Variants in APBB1IP observed in about 807,000 individuals in gnomAD.
APBB1IP encodes amyloid beta precursor protein binding family B member 1 interacting protein.
APBB1IP carries 27 observed loss-of-function variants against 64.9 expected under a neutral mutation model. The ratio of observed to expected loss-of-function variants is 0.42; its 90% CI spans 0.31 to 0.57. The LOEUF (loss-of-function observed/expected upper bound fraction) is 0.57. Ranked by LOEUF, APBB1IP falls within the 20% of genes least tolerant of loss-of-function variation. The pLI, the probability that APBB1IP is intolerant of heterozygous loss-of-function variation, is 0.20. For missense variants in APBB1IP, 812 were observed against 845.5 expected, an observed-to-expected ratio of 0.96 and a Z score of 0.49; for synonymous variants, 392 against 331.0, an observed-to-expected ratio of 1.18 and a Z score of -2.00.
chr10:26,516,610 C>T (rs1836334493), intron 8 of APBB1IP, among the ~76,000 whole-genome samples: 1 of 146,852 alleles, frequency 6.8e-6, no homozygotes, highest in South Asian at 2.2e-4. Context: ...TGTGGTAACG[C>T]ACACATTGCA....
intron 2 of APBB1IP, among the ~76,000 whole-genome samples, chr10:26,474,031 T>A (rs952528934): frequency 5.3e-5 from 8 of 151,576 alleles, no homozygotes; most frequent in Non-Finnish European, 1.2e-4. Flanking sequence ...AAGTATGTTC[T>A]TGAATAGAAG....
chr10:26,560,682 T>G (rs369374374), intron 12 of APBB1IP, 48 bp from the exon 13 acceptor site: 17 of 1,379,426 alleles, frequency 1.2e-5, no homozygotes, highest in Non-Finnish European at 1.7e-5. Context: ...AGTGCAGAAT[T>G]TGGGATACAT....
chr10:26,470,817 G>C (rs1835707493), intron 2 of APBB1IP, among the ~76,000 whole-genome samples: 2 of 152,046 alleles, frequency 1.3e-5, no homozygotes, highest in African/African-American at 4.8e-5. Context: ...CTCAGCCTGT[G>C]TCCTTGCCCA....
At position 26,457,983 on chromosome 10, in the gene APBB1IP, G is replaced by C. The variant is rs371524555; in HGVS notation, c.-1+19130G>C. On this transcript the variant is annotated intron_variant, in intron 2 of 14. Transcript: ENST00000376236. ...AAGCTGGGTCTTTATTGGTATTTAT[G>C]AAATCTGGATATTTTTATGGCCTGA... is the stretch of plus-strand genomic sequence containing the variant. Among the ~76,000 whole-genome samples the C allele has an allele frequency of 1.3e-4, 20 of 152,198 alleles. No homozygotes were observed. The East Asian group carries it at 1.9e-3, about 15-fold the overall frequency.
intron 2 of APBB1IP, among the ~76,000 whole-genome samples, chr10:26,487,537 C>G (rs889913572): frequency 6.6e-6 from 1 of 152,002 alleles, no homozygotes; most frequent in Non-Finnish European, 1.5e-5. Flanking sequence ...GATGTTGGCT[C>G]CACTTAATAA....
intron 11 of APBB1IP, among the ~76,000 whole-genome samples, chr10:26,549,726 G>C (rs1256267795): frequency 6.6e-6 from 1 of 151,172 alleles, no homozygotes; most frequent in Non-Finnish European, 1.5e-5. Context: ...ACTAGCTAAA[G>C]GTTTCTCAAT....
At chr10:26,454,217 A>G (rs1052414691) in intron 2 of APBB1IP, among the ~76,000 whole-genome samples, 12 of 152,120 alleles carry the variant, frequency 7.9e-5, no homozygotes, top group Non-Finnish European at 8.8e-5. Context: ...GAGGCAGGTG[A>G]ATCACTTGAG....
intron 4 of APBB1IP, among the ~76,000 whole-genome samples, chr10:26,498,377 C>G (rs182511242): frequency 6.6e-6 from 1 of 152,030 alleles, no homozygotes; most frequent in African/African-American, 2.4e-5. Context: ...GGCAAGGTGG[C>G]GGGCACCTGT....
rs1242503879 is a variant in APBB1IP at position 26,449,861 on chromosome 10, G to T, written c.-1+11008G>T. Among the ~76,000 whole-genome samples the T allele has an allele frequency of 8.5e-5, 13 of 152,130 alleles. No homozygotes were observed. The East Asian group carries it at 2.5e-3, about 29-fold the overall frequency. ...CCTGTCTCTACAAAAAAATGAAAAA[G>T]CCAGACATGGTGGCATTCTCCTGTG... On this transcript the variant is annotated intron_variant, in intron 2 of 14. Transcript: ENST00000376236.
intron 2 of APBB1IP, among the ~76,000 whole-genome samples, chr10:26,467,040 C>T (rs1409639403): frequency 6.6e-6 from 1 of 151,666 alleles, no homozygotes; most frequent in African/African-American, 2.4e-5. Flanking sequence ...CATTCTGTAC[C>T]TCTAAATAAT....
chr10:26,559,685 A>G (rs1282735684), intron 11 of APBB1IP, among the ~76,000 whole-genome samples: 1 of 149,556 alleles, frequency 6.7e-6, no homozygotes, highest in Non-Finnish European at 1.5e-5. Flanking sequence ...GCAGTGGTAC[A>G]GTCTCAGCTC....
intron 2 of APBB1IP, among the ~76,000 whole-genome samples, chr10:26,440,789 C>A (rs1835330531): frequency 1.3e-5 from 2 of 151,952 alleles, no homozygotes; most frequent in Non-Finnish European, 2.9e-5. Context: ...TAAATAGTTC[C>A]ATATTATTAT....
chr10:26,513,443 T>A, intron 7 of APBB1IP, 96 bp from the exon 8 acceptor site: 1 of 1,393,510 alleles, frequency 7.2e-7, no homozygotes, highest in Non-Finnish European at 9.9e-7. Context: ...AGGCACCTGA[T>A]GAAAGTCATG....
chr10:26,516,821 T>C lies in APBB1IP; in HGVS notation c.813+3161T>C, dbSNP rs140495082. On this transcript the variant is annotated intron_variant, in intron 8 of 14. Coordinates refer to ENST00000376236, the MANE Select transcript of APBB1IP (RefSeq NM_019043.4). Reference sequence around the variant, plus strand: ...AGCTTTCAGCTTACTTTATTCCTTTTGGCAGCGTGAACTGGGGTCCCGCGT... The same window carrying C: ...AGCTTTCAGCTTACTTTATTCCTTTCGGCAGCGTGAACTGGGGTCCCGCGT... Among the ~76,000 whole-genome samples, 30 of 152,300 alleles carry C rather than the reference T, an allele frequency of 2.0e-4. No homozygotes were observed. The East Asian group carries it at 5.6e-3, about 28-fold the overall frequency.
chr10:26,470,747 A>G (rs1174222221), intron 2 of APBB1IP, among the ~76,000 whole-genome samples: 1 of 152,164 alleles, frequency 6.6e-6, no homozygotes, highest in Non-Finnish European at 1.5e-5. Context: ...AGCATCCATA[A>G]TATGCCACGC....
intron 6 of APBB1IP, among the ~76,000 whole-genome samples, chr10:26,507,383 CAGCT>C (rs1836195468): frequency 6.6e-6 from 1 of 152,112 alleles, no homozygotes; most frequent in Non-Finnish European, 1.5e-5. Flanking sequence ...CATGTAGTCC[CAGCT>C]ACAGGTGGCT....
intron 11 of APBB1IP, among the ~76,000 whole-genome samples, chr10:26,550,013 T>C (rs1836810781): frequency 6.6e-6 from 1 of 152,016 alleles, no homozygotes. Context: ...CTTTTCTGGG[T>C]ACAGTATTCT....
chr10:26,550,783 C>T (rs1054005376), intron 11 of APBB1IP, among the ~76,000 whole-genome samples: 8 of 152,134 alleles, frequency 5.3e-5, no homozygotes, highest in African/African-American at 1.9e-4. Flanking sequence ...ATTCTTACTC[C>T]TTGTAGACAT....
At chr10:26,471,237 G>C (rs923929861) in intron 2 of APBB1IP, among the ~76,000 whole-genome samples, 5 of 152,264 alleles carry the variant, frequency 3.3e-5, no homozygotes, top group Admixed American at 2.0e-4. Context: ...CTAGACCGAA[G>C]CTCACCTAGA....
Sources: gnomAD v4.1 joint callset for allele counts (sites outside exome capture counted in the v4.1 genomes callset) on GRCh38, gnomAD v4.1.1 for gene constraint, MANE v1.5 for transcripts, NCBI Gene and HGNC (gene_info 2026-07-23, HGNC 2026-07-21) for gene names.